ADAM10: variants seen among roughly 807,000 people sequenced by gnomAD.
The protein encoded by ADAM10 is disintegrin and metalloproteinase domain-containing protein 10.
In ADAM10, 17 loss-of-function variants were observed where a neutral mutation model predicts 90.1. The observed-to-expected ratio is 0.19, with a 90% CI of 0.13 to 0.28. ADAM10 has a LOEUF of 0.28. Among genes scored for constraint, ADAM10 ranks in the 10% least tolerant of loss-of-function variants. The pLI is 1.00. For synonymous variants in ADAM10, 310 were observed against 298.6 expected (o/e 1.04, Z -0.40); for missense variants, 610 against 914.3 (o/e 0.67, Z 4.29).
intron 4 of ADAM10, among the ~76,000 whole-genome samples, chr15:58,673,467 T>C (rs1372326584): frequency 6.6e-6 from 1 of 151,540 alleles, no homozygotes; most frequent in East Asian, 1.9e-4. Flanking sequence ...TTAAAAATCT[T>C]ATATTTCTGA....
chr15:58,637,460 G>A (rs765179183), intron 8 of ADAM10, among the ~76,000 whole-genome samples: 3 of 152,148 alleles, frequency 2.0e-5, no homozygotes, highest in Non-Finnish European at 2.9e-5. Flanking sequence ...TGAATTTACA[G>A]ACAGAAAACA....
At chr15:58,747,328 C>T (rs1318086305) in intron 1 of ADAM10, 1 of 152,158 alleles carries the variant, frequency 6.6e-6, no homozygotes, top group Non-Finnish European at 1.5e-5. Context: ...ATTTCACACA[C>T]AACAGTGACT....
intron 11 of ADAM10, among the ~76,000 whole-genome samples, chr15:58,615,089 A>C (rs1895567387): frequency 6.6e-6 from 1 of 152,100 alleles, no homozygotes; most frequent in African/African-American, 2.4e-5. Context: ...CCTGGCTAAC[A>C]CAGTGAAACC....
chr15:58,742,656 C>G (rs1567021353), intron 1 of ADAM10, among the ~76,000 whole-genome samples: 1 of 152,210 alleles, frequency 6.6e-6, no homozygotes, highest in South Asian at 2.1e-4. Context: ...ACTGCCCTTA[C>G]AGGAATCCAA....
At chr15:58,691,759 T>C (rs1596073995) in intron 2 of ADAM10, 1 of 340,870 alleles carries the variant, frequency 2.9e-6, no homozygotes, top group Non-Finnish European at 5.6e-6. Context: ...CTTGGCTCAC[T>C]GCAACTTCCG....
intron 14 of ADAM10, chr15:58,609,202 C>T (rs1895365420): frequency 6.6e-6 from 1 of 152,090 alleles, no homozygotes; most frequent in Admixed American, 6.6e-5. Flanking sequence ...TACCACGCAA[C>T]AAGCACAGGA....
At chr15:58,642,896 T>C (rs1212769687) in intron 7 of ADAM10, among the ~76,000 whole-genome samples, 1 of 152,184 alleles carries the variant, frequency 6.6e-6, no homozygotes, top group Non-Finnish European at 1.5e-5. Flanking sequence ...GAAAATCCAA[T>C]TTAAGATTTA....
chr15:58,662,169 C>G (rs1009099460), intron 5 of ADAM10, among the ~76,000 whole-genome samples: 37 of 152,122 alleles, frequency 2.4e-4, no homozygotes, highest in African/African-American at 7.7e-4. Flanking sequence ...TAGTGTCCTC[C>G]TTTAACAAAT....
chr15:58,600,346 T>C (rs1449816846), intron 14 of ADAM10, among the ~76,000 whole-genome samples: 3 of 152,208 alleles, frequency 2.0e-5, no homozygotes, highest in African/African-American at 7.2e-5. Flanking sequence ...AAATTACTCT[T>C]TAACCTACAT....
intron 4 of ADAM10, among the ~76,000 whole-genome samples, chr15:58,673,860 G>C (rs966533941): frequency 6.6e-6 from 1 of 151,618 alleles, no homozygotes; most frequent in Non-Finnish European, 1.5e-5. Context: ...TCAGCCTCTC[G>C]AGTAGCTGGG....
At chr15:58,602,619 T>C (rs1028143713) in intron 14 of ADAM10, among the ~76,000 whole-genome samples, 1 of 152,090 alleles carries the variant, frequency 6.6e-6, no homozygotes, top group Non-Finnish European at 1.5e-5. Flanking sequence ...TACGTACATA[T>C]ATATGCACAC....
intron 1 of ADAM10, among the ~76,000 whole-genome samples, chr15:58,721,083 A>G (rs1373596786): frequency 4.6e-5 from 7 of 152,256 alleles, no homozygotes; most frequent in Admixed American, 1.3e-4. Context: ...ACTTAAAACA[A>G]TAACTATTGC....
Position 58,687,136 on chromosome 15 carries a change from C to T in ADAM10, c.207-4822G>A, listed in dbSNP as rs558627818. Among the ~76,000 whole-genome samples the T allele has an allele frequency of 3.9e-5, 6 of 152,286 alleles. No homozygotes were observed. In the South Asian group the frequency reaches 1.2e-3, roughly 32 times the overall value. ...ACAAATTGCTGGGAGGAAGAATAGG[C>T]TTTACTAATCAACTGATGTCTTGAT... On this transcript the variant is annotated intron_variant, in intron 2 of 15. Coordinates refer to ENST00000260408, the MANE Select transcript of ADAM10 (RefSeq NM_001110.4).
chr15:58,726,326 A>C (rs1309001014), intron 1 of ADAM10, among the ~76,000 whole-genome samples: 1 of 152,128 alleles, frequency 6.6e-6, no homozygotes, highest in Non-Finnish European at 1.5e-5. Flanking sequence ...TTATATTGAG[A>C]GGCCAAGGCG....
At chr15:58,650,253 C>A (rs1364747453) in intron 5 of ADAM10, among the ~76,000 whole-genome samples, 10 of 152,094 alleles carry the variant, frequency 6.6e-5, no homozygotes, top group African/African-American at 2.4e-4. Context: ...TTACATTGAA[C>A]TGAGTGCCAG....
rs147507045 is a variant in ADAM10, at chr15:58,691,462, C to T, written c.207-9148G>A. 2.2e-4 allele frequency: 142 copies of T among 645,262 alleles called. No homozygotes were observed. In the East Asian group the frequency reaches 4.2e-3, roughly 19 times the overall value. The allele number at this position is 645,262 out of a possible 1,614,324, so 40.0% of individuals were successfully genotyped here. A position where few individuals can be genotyped will look rare whatever the true frequency, so the allele number is the denominator to read the frequency against. ...ATGATGTCACAGATGGACTTCTGTG[C>T]CTCCTTCATGCAAGACACATACTCT... is the stretch of plus-strand genomic sequence containing the variant. On this transcript the variant is annotated intron_variant, in intron 2 of 15. Coordinates refer to ENST00000260408, the MANE Select transcript of ADAM10 (RefSeq NM_001110.4).
chr15:58,748,560 T>A, intron 1 of ADAM10: 1 of 188,914 alleles, frequency 5.3e-6, no homozygotes, highest in Non-Finnish European at 1.1e-5. Flanking sequence ...CAAATTTGAC[T>A]TTCATGTGCA....
intron 2 of ADAM10, among the ~76,000 whole-genome samples, chr15:58,713,458 G>A (rs1898541531): frequency 6.6e-6 from 1 of 152,134 alleles, no homozygotes; most frequent in Non-Finnish European, 1.5e-5. Context: ...AAAAAGATGA[G>A]TAAGATTCAC....
chr15:58,625,785 T>C (rs373681840), intron 10 of ADAM10, among the ~76,000 whole-genome samples: 2 of 152,216 alleles, frequency 1.3e-5, no homozygotes, highest in African/African-American at 2.4e-5. Flanking sequence ...GTTAAACAAA[T>C]TGCAGTACAT....
Sources: allele counts gnomAD v4.1 joint callset (sites outside exome capture counted in the v4.1 genomes callset), GRCh38; gene constraint gnomAD v4.1.1; transcripts MANE v1.5; gene names NCBI Gene and HGNC (gene_info 2026-07-23, HGNC 2026-07-21).